The following STIM1 variants were observed in gnomAD, a reference collection of about 807,000 sequenced individuals.
STIM1 encodes the protein stromal interaction molecule 1.
STIM1 carries 25 observed loss-of-function variants against 74.7 expected under a neutral mutation model. That is an observed-to-expected ratio of 0.33 (90% CI 0.24 to 0.47). STIM1 has a LOEUF of 0.47. Among genes scored for constraint, STIM1 ranks in the 20% least tolerant of loss-of-function variants. The pLI, the probability that STIM1 is intolerant of heterozygous loss-of-function variation, is 1.00. For synonymous variants in STIM1, 328 were observed against 348.8 expected (o/e 0.94, Z 0.66); for missense variants, 728 against 920.8 (o/e 0.79, Z 2.71).
rs1286988552 is a variant in STIM1, at chr11:3,975,033, C to G, written c.270+7351C>G. 2.0e-5 allele frequency among the ~76,000 whole-genome samples: 3 copies of G among 152,274 alleles called. No individual in the cohort carries two copies. In the East Asian group the frequency reaches 5.8e-4, roughly 29 times the overall value. On this transcript the variant is annotated intron_variant, in intron 2 of 12. Transcript: ENST00000526596. Reference sequence around the variant, plus strand: ...ATTTAATACATATTAAAGCCAGGCACTATTCGAAGGCTAGGGATTCCACAG... The same window carrying G: ...ATTTAATACATATTAAAGCCAGGCAGTATTCGAAGGCTAGGGATTCCACAG...
chr11:3,902,604 A>G (rs1020508152), intron 1 of STIM1, among the ~76,000 whole-genome samples: 1 of 152,224 alleles, frequency 6.6e-6, no homozygotes, highest in Admixed American at 6.5e-5. Flanking sequence ...GGCGGAGCTC[A>G]GGCAGTAATG....
chr11:3,917,872 C>T (rs2092668698), intron 1 of STIM1, among the ~76,000 whole-genome samples: 1 of 152,190 alleles, frequency 6.6e-6, no homozygotes. Flanking sequence ...TCTTTCGTGA[C>T]TGTGATTCTC....
In STIM1 at chr11:4,059,464, A is replaced by G. The variant is rs1435157662; in HGVS notation, c.613+68A>G. The G allele has an allele frequency of 5.2e-6, 7 of 1,351,898 alleles. No individual in the cohort carries two copies. In the Admixed American group the frequency reaches 9.0e-5, roughly 17 times the overall value. The allele number at this position is 1,351,898 out of a possible 1,614,324, so 83.7% of individuals were successfully genotyped here. ...CCAAAGCTGTTGTAGTGGATAGGCT[A>G]AGGCTAAGGCTCTGGGTCTCCTAGG... On this transcript the variant is annotated intron_variant, in intron 5 of 12. Coordinates refer to ENST00000526596, the MANE Select transcript of STIM1 (RefSeq NM_001382567.1).
chr11:4,034,893 G>A (rs554844107), intron 3 of STIM1, among the ~76,000 whole-genome samples: 13 of 152,042 alleles, frequency 8.6e-5, no homozygotes, highest in Admixed American at 7.9e-4. Context: ...CAAATTTACT[G>A]GTATATGTTA....
At chr11:3,902,720 A>G (rs2092381295) in intron 1 of STIM1, among the ~76,000 whole-genome samples, 7 of 152,190 alleles carry the variant, frequency 4.6e-5, no homozygotes, top group Admixed American at 3.3e-4. Flanking sequence ...CATAGGGAAT[A>G]GAATGCTCAG....
At chr11:3,886,961 C>T (rs947104998) in intron 1 of STIM1, among the ~76,000 whole-genome samples, 2 of 151,760 alleles carry the variant, frequency 1.3e-5, no homozygotes, top group Non-Finnish European at 2.9e-5. Flanking sequence ...CGAGATCGCA[C>T]CACTGCACTC....
intron 2 of STIM1, among the ~76,000 whole-genome samples, chr11:4,011,906 T>C (rs2093840605): frequency 6.6e-6 from 1 of 152,216 alleles, no homozygotes; most frequent in African/African-American, 2.4e-5. Context: ...TTGTATAAGG[T>C]GTAAGGAAGG....
At chr11:3,907,370 C>G (rs1334066838) in intron 1 of STIM1, among the ~76,000 whole-genome samples, 1 of 152,178 alleles carries the variant, frequency 6.6e-6, no homozygotes, top group Admixed American at 6.5e-5. Flanking sequence ...TATCTAACCT[C>G]TTAATTAACA....
chr11:3,916,689 T>G (rs2092649087), intron 1 of STIM1, among the ~76,000 whole-genome samples: 1 of 152,148 alleles, frequency 6.6e-6, no homozygotes, highest in Non-Finnish European at 1.5e-5. Flanking sequence ...TGACCTCAGG[T>G]GATCTGCCTG....
At chr11:4,069,548 C>T (rs2094390434) in intron 5 of STIM1, among the ~76,000 whole-genome samples, 1 of 152,204 alleles carries the variant, frequency 6.6e-6, no homozygotes. Flanking sequence ...ATACCTAGTT[C>T]CTACAGTGAC....
At chr11:3,920,869 C>T (rs1246029075) in intron 1 of STIM1, among the ~76,000 whole-genome samples, 1 of 150,756 alleles carries the variant, frequency 6.6e-6, no homozygotes, top group South Asian at 2.1e-4. Context: ...AGTCTTGGCT[C>T]ACTACAGCCT....
At chr11:3,993,028 A>G (rs185577524) in intron 2 of STIM1, among the ~76,000 whole-genome samples, 47 of 152,062 alleles carry the variant, frequency 3.1e-4, no homozygotes, top group Admixed American at 9.2e-4. Flanking sequence ...AATCATGTCT[A>G]CATTTATTCT....
At chr11:4,078,367 T>A (rs1421470344) in intron 7 of STIM1, among the ~76,000 whole-genome samples, 2 of 152,346 alleles carry the variant, frequency 1.3e-5, no homozygotes, top group East Asian at 3.9e-4. Flanking sequence ...TTCTGCCACT[T>A]CGTAGGCTGT....
chr11:3,974,264 G>GA, intron 2 of STIM1: 1 of 348,850 alleles, frequency 2.9e-6, no homozygotes, highest in Admixed American at 4.2e-5. Context: ...AGACTTTAAT[G>GA]ATGTTTTCAG....
At chr11:3,899,607 G>C (rs28866218) in intron 1 of STIM1, among the ~76,000 whole-genome samples, 40,209 of 149,714 alleles carry the variant, frequency 0.27, 7,019 homozygotes, top group African/African-American at 0.5. Context: ...TTTTCAAAGG[G>C]AATGCTTCCA....
At chr11:3,899,329 G>T (rs2135424678) in intron 1 of STIM1, among the ~76,000 whole-genome samples, 1 of 152,262 alleles carries the variant, frequency 6.6e-6, no homozygotes, top group East Asian at 1.9e-4. Context: ...TCTGTTATTG[G>T]TGTATAAGAA....
In STIM1 at chr11:3,860,579, C is replaced by T. The variant is rs181356611; in HGVS notation, c.139+4170C>T. ...CCTGGGAGAGCTGGGGGAGGCCTTA[C>T]AGTTTCTTTGTAATTTTTCTCAGAT... On this transcript the variant is annotated intron_variant, in intron 1 of 12. Transcript: ENST00000526596. Among the ~76,000 whole-genome samples, 20 of 152,286 alleles carry T rather than the reference C, an allele frequency of 1.3e-4. 1 individual carries two copies. The East Asian group carries it at 3.9e-3, about 29-fold the overall frequency.
intron 1 of STIM1, among the ~76,000 whole-genome samples, chr11:3,872,431 G>A (rs1452668699): frequency 6.6e-6 from 1 of 152,098 alleles, no homozygotes; most frequent in African/African-American, 2.4e-5. Context: ...GTGGGTCTGA[G>A]CTCTTGGGGA....
chr11:4,088,642 G>A, intron 12 of STIM1: 2 of 1,479,856 alleles, frequency 1.4e-6, no homozygotes, highest in Non-Finnish European at 1.8e-6. Context: ...GAAGGGCGGA[G>A]AGGTACCTGT....
Sources: allele counts gnomAD v4.1 joint callset (sites outside exome capture counted in the v4.1 genomes callset), GRCh38; gene constraint gnomAD v4.1.1; transcripts MANE v1.5; gene names NCBI Gene and HGNC (gene_info 2026-07-23, HGNC 2026-07-21).